The following CECR2 variants were observed in gnomAD, a reference collection of about 807,000 sequenced individuals.
The protein encoded by CECR2 is CECR2 histone acetyl-lysine reader, also known as chromatin remodeling regulator CECR2.
A neutral mutation model predicts 154.5 loss-of-function variants in CECR2; 30 were observed. That is an observed-to-expected ratio of 0.19 (90% CI 0.15 to 0.26). The LOEUF (loss-of-function observed/expected upper bound fraction) is 0.26, where lower values mean the gene tolerates loss of function less well. CECR2 is among the 10% of genes least tolerant of loss of function. The pLI is 1.00. For missense variants in CECR2, 1,743 were observed against 1,829.3 expected (o/e 0.95, Z 0.86); for synonymous variants, 725 against 683.7 (o/e 1.06, Z -0.94).
At chr22:17,416,889 A>G (rs2054163461) in intron 1 of CECR2, among the ~76,000 whole-genome samples, 1 of 152,218 alleles carries the variant, frequency 6.6e-6, no homozygotes, top group Non-Finnish European at 1.5e-5. Context: ...CTTTCTAAAT[A>G]AATAAAGCAC....
chr22:17,452,325 T>C (rs1206512802), intron 1 of CECR2, among the ~76,000 whole-genome samples: 3 of 152,196 alleles, frequency 2.0e-5, no homozygotes, highest in African/African-American at 7.2e-5. Context: ...CCACCCGCCT[T>C]GGCCTCCCAA....
At chr22:17,464,762 A>C (rs915556953) in intron 1 of CECR2, among the ~76,000 whole-genome samples, 3 of 152,030 alleles carry the variant, frequency 2.0e-5, no homozygotes. Flanking sequence ...CAGTCCCCCA[A>C]AGCACTAGGA....
intron 6 of CECR2, among the ~76,000 whole-genome samples, chr22:17,503,949 A>G (rs2055785653): frequency 6.6e-6 from 1 of 152,034 alleles, no homozygotes; most frequent in Non-Finnish European, 1.5e-5. Context: ...CGGGAGGCTG[A>G]GGCAGGAGAA....
chr22:17,435,491 C>T (rs749914294), intron 1 of CECR2, among the ~76,000 whole-genome samples: 1 of 151,984 alleles, frequency 6.6e-6, no homozygotes, highest in African/African-American at 2.4e-5. Context: ...AAGTTAGATC[C>T]ATGGTGCAGT....
intron 16 of CECR2, among the ~76,000 whole-genome samples, chr22:17,547,451 C>CA (rs980815629): frequency 3.3e-5 from 5 of 152,122 alleles, no homozygotes; most frequent in African/African-American, 1.2e-4. Flanking sequence ...AGGATGGTCT[C>CA]AATCTCCTGA....
At chr22:17,364,655 C>T (rs915783559), upstream of CECR2, among the ~76,000 whole-genome samples, 1 of 151,918 alleles carries the variant, frequency 6.6e-6, no homozygotes, top group African/African-American at 2.4e-5. Flanking sequence ...ACCAGCCTGG[C>T]CAATATGGTG....
chr22:17,516,005 G>T (rs892334953), intron 8 of CECR2, among the ~76,000 whole-genome samples: 1 of 152,096 alleles, frequency 6.6e-6, no homozygotes, highest in African/African-American at 2.4e-5. Flanking sequence ...TACTTTGGGG[G>T]GCGTAAGTCA....
chr22:17,454,167 C>CGGGCA (rs1250309396), intron 1 of CECR2, among the ~76,000 whole-genome samples: 3 of 151,808 alleles, frequency 2.0e-5, no homozygotes, highest in African/African-American at 4.8e-5. Context: ...GGTGTGGTGG[C>CGGGCA]CCATGACTGC....
At chr22:17,444,246 G>A (rs951138285) in intron 1 of CECR2, among the ~76,000 whole-genome samples, 3 of 152,182 alleles carry the variant, frequency 2.0e-5, no homozygotes, top group Non-Finnish European at 4.4e-5. Flanking sequence ...AATACAGTTC[G>A]TGTTAATTCC....
At chr22:17,384,526 A>C (rs2063236857) in intron 1 of CECR2, among the ~76,000 whole-genome samples, 1 of 152,194 alleles carries the variant, frequency 6.6e-6, no homozygotes, top group African/African-American at 2.4e-5. Context: ...TTGGGTGACA[A>C]AGTATATTGT....
chr22:17,382,875 CT>C lies in CECR2; in HGVS notation c.126+12967del, dbSNP rs560457747. ...CAAGTTTGCAACACTGCACTCCCCC[CT>C]GGGCAGCAGTGAGACCTTGTCTCAA... On this transcript the variant is annotated intron_variant, in intron 1 of 18. Transcript: ENST00000262608. 1.5e-3 allele frequency among the ~76,000 whole-genome samples: 221 copies of C among 152,078 alleles called. 1 individual carries two copies. The highest frequency in any genetic ancestry group is 5.0e-3 in the African/African-American group (207 of 41,516).
In CECR2 at chr22:17,541,823, G is replaced by A. The variant is rs1266803159; in HGVS notation, c.1885-16G>A. Reference sequence around the variant, plus strand: ...CTTTCCTTTTTCCTCTTCTTGCTTTGTTCAATGTGCTGCAGAGGCCAGCAG... The same window carrying A: ...CTTTCCTTTTTCCTCTTCTTGCTTTATTCAATGTGCTGCAGAGGCCAGCAG... On this transcript the variant is annotated splice_polypyrimidine_tract_variant and intron_variant, in intron 14 of 18. Coordinates refer to ENST00000262608, the MANE Select transcript of CECR2 (RefSeq NM_001290047.2). 1 of 1,603,272 alleles carries A rather than the reference G, an allele frequency of 6.2e-7. No homozygotes were observed.
chr22:17,487,161 C>G (rs866402235), intron 2 of CECR2, among the ~76,000 whole-genome samples: 1 of 152,188 alleles, frequency 6.6e-6, no homozygotes, highest in Non-Finnish European at 1.5e-5. Context: ...ACACTACATA[C>G]TTTTTCTTCT....
In CECR2 at chr22:17,369,570, G is replaced by T. The variant is rs2063029547; in HGVS notation, c.-214G>T. The T allele has an allele frequency of 6.8e-6, 1 of 147,756 alleles. No individual in the cohort carries two copies. The highest frequency in any genetic ancestry group is 2.4e-5 in the African/African-American group (1 of 40,946). The allele number at this position is 147,756 out of a possible 1,614,324, so 9.2% of individuals were successfully genotyped here. ...GACCCCGCGGGCAGCCGCAGCCGCA[G>T]CCGCCTCAGTAGTTCGGGCCCCCGC... is the stretch of plus-strand genomic sequence containing the variant. On this transcript the variant is annotated 5_prime_UTR_variant, in exon 1 of 19. Coordinates refer to ENST00000262608, the MANE Select transcript of CECR2 (RefSeq NM_001290047.2).
At chr22:17,511,665 GGTTC>G in intron 7 of CECR2, 144 bp from the exon 8 acceptor site, 1 of 548,166 alleles carries the variant, frequency 1.8e-6, no homozygotes, top group Non-Finnish European at 3.3e-6. Flanking sequence ...GCTGAGCAGT[GGTTC>G]CTGATTGTCC....
chr22:17,553,998 A>C lies in CECR2; in HGVS notation c.*1158A>C, dbSNP rs1388670836. 6.6e-6 allele frequency: 1 copy of C among 152,228 alleles called. No homozygotes were observed. The highest frequency in any genetic ancestry group is 1.5e-5 in the Non-Finnish European group (1 of 68,048). 9.4% of individuals were successfully genotyped at this position (152,228 alleles called of 1,614,324 possible). On this transcript the variant is annotated 3_prime_UTR_variant, in exon 19 of 19. Coordinates refer to ENST00000262608, the MANE Select transcript of CECR2 (RefSeq NM_001290047.2). ...AATTTAGGAATATTTCAGTATATAT[A>C]GTTTTTATTCGTTTTAAGTGAATCA...
intron 1 of CECR2, among the ~76,000 whole-genome samples, chr22:17,425,911 A>G (rs12628081): frequency 0.07 from 10,652 of 152,252 alleles, 998 homozygotes; most frequent in East Asian, 0.36. Flanking sequence ...ATAGTTCAAA[A>G]TGGGACTGTG....
At chr22:17,551,068 G>A (rs565738802) in intron 17 of CECR2, among the ~76,000 whole-genome samples, 3 of 152,198 alleles carry the variant, frequency 2.0e-5, no homozygotes, top group Non-Finnish European at 2.9e-5. Context: ...ACATTTTGTC[G>A]TGTTTGCTTT....
chr22:17,540,290 C>T, intron 13 of CECR2, 122 bp from the exon 14 acceptor site: 3 of 911,464 alleles, frequency 3.3e-6, no homozygotes, highest in Non-Finnish European at 4.6e-6. Context: ...GTTGCATCTT[C>T]TATTTATTAG....
Sources: allele counts gnomAD v4.1 joint callset (sites outside exome capture counted in the v4.1 genomes callset), GRCh38; gene constraint gnomAD v4.1.1; transcripts MANE v1.5; gene names NCBI Gene and HGNC (gene_info 2026-07-23, HGNC 2026-07-21).